NTM: variants seen among roughly 807,000 people sequenced by gnomAD.
NTM encodes the protein neurotrimin, also known as IgLON family member 2.
NTM carries 13 observed loss-of-function variants against 42.1 expected under a neutral mutation model. The ratio of observed to expected loss-of-function variants is 0.31; its 90% CI spans 0.20 to 0.49. The LOEUF is 0.49. Ranked by LOEUF, NTM falls within the 20% of genes least tolerant of loss-of-function variation. NTM has a pLI of 0.99. For synonymous variants in NTM, 187 were observed against 179.2 expected (o/e 1.04, Z -0.35); for missense variants, 373 against 452.8 (o/e 0.82, Z 1.60).
chr11:132,029,202 TTTTA>T (rs2075602934), intron 2 of NTM, among the ~76,000 whole-genome samples: 2 of 152,110 alleles, frequency 1.3e-5, no homozygotes, highest in South Asian at 4.2e-4. Context: ...TTTTTTTTAT[TTTTA>T]TTCTTTAAGT....
intron 1 of NTM, among the ~76,000 whole-genome samples, chr11:131,714,479 C>T (rs1431568277): frequency 6.6e-6 from 1 of 152,176 alleles, no homozygotes; most frequent in Non-Finnish European, 1.5e-5. Flanking sequence ...ATGTGAGCCA[C>T]CACAACCAGC....
intron 2 of NTM, among the ~76,000 whole-genome samples, chr11:131,958,617 A>T (rs994163743): frequency 6.6e-6 from 1 of 152,200 alleles, no homozygotes; most frequent in African/African-American, 2.4e-5. Context: ...GAAACAAAAG[A>T]GCCTTGAAGA....
intron 1 of NTM, among the ~76,000 whole-genome samples, chr11:131,375,485 C>CT (rs1168435399): frequency 6.6e-6 from 1 of 152,174 alleles, no homozygotes; most frequent in African/African-American, 2.4e-5. Flanking sequence ...CCTAGTGTTC[C>CT]TAGAAGCATC....
chr11:131,801,857 GC>G (rs1403770156), intron 1 of NTM, among the ~76,000 whole-genome samples: 3 of 151,976 alleles, frequency 2.0e-5, no homozygotes, highest in African/African-American at 7.3e-5. Context: ...TGTGAGCTGG[GC>G]CCATCTTTCC....
intron 1 of NTM, among the ~76,000 whole-genome samples, chr11:131,399,827 G>T (rs1944936304): frequency 6.6e-6 from 1 of 152,122 alleles, no homozygotes; most frequent in Non-Finnish European, 1.5e-5. Flanking sequence ...TCTTCCTCCA[G>T]CATAGAAATT....
intron 2 of NTM, among the ~76,000 whole-genome samples, chr11:131,919,922 G>A (rs756472280): frequency 2.6e-5 from 4 of 152,036 alleles, no homozygotes; most frequent in African/African-American, 4.8e-5. Context: ...GAGTTTTTTT[G>A]TGGTGCCTCT....
chr11:131,603,693 C>T (rs1316429230), intron 1 of NTM, among the ~76,000 whole-genome samples: 1 of 152,264 alleles, frequency 6.6e-6, no homozygotes, highest in East Asian at 1.9e-4. Context: ...TGACATTGTC[C>T]CGTACACTCA....
chr11:131,495,451 C>A (rs969500655), intron 1 of NTM, among the ~76,000 whole-genome samples: 4 of 152,248 alleles, frequency 2.6e-5, no homozygotes, highest in Admixed American at 6.5e-5. Flanking sequence ...TCTGCACTGC[C>A]TGTGCTGCGG....
intron 1 of NTM, among the ~76,000 whole-genome samples, chr11:131,592,659 C>CACAA (rs1483857101): frequency 1.3e-5 from 2 of 149,062 alleles, no homozygotes; most frequent in East Asian, 3.9e-4. Context: ...CACACACACA[C>CACAA]ACACACACAC....
At chr11:131,773,409 G>T (rs567316342) in intron 1 of NTM, among the ~76,000 whole-genome samples, 3 of 152,202 alleles carry the variant, frequency 2.0e-5, no homozygotes, top group Admixed American at 6.5e-5. Flanking sequence ...TAGCACTAGG[G>T]TGCCTATACT....
At chr11:131,618,491 CG>C (rs2062180600) in intron 1 of NTM, among the ~76,000 whole-genome samples, 1 of 152,062 alleles carries the variant, frequency 6.6e-6, no homozygotes, top group Non-Finnish European at 1.5e-5. Context: ...ACATGCTATC[CG>C]AATTAAATTA....
intron 1 of NTM, among the ~76,000 whole-genome samples, chr11:131,558,270 ACT>A (rs1248285238): frequency 5.3e-5 from 8 of 151,994 alleles, no homozygotes; most frequent in Admixed American, 3.9e-4. Context: ...CAGCCTGGAC[ACT>A]CTGCACAGCC....
chr11:131,988,542 T>C (rs754898286), intron 2 of NTM, among the ~76,000 whole-genome samples: 31 of 152,230 alleles, frequency 2.0e-4, no homozygotes, highest in Non-Finnish European at 7.3e-5. Context: ...GGATATTCCA[T>C]GTGAATGATG....
At chr11:131,412,821 T>C (rs1230317364) in intron 1 of NTM, among the ~76,000 whole-genome samples, 1 of 152,222 alleles carries the variant, frequency 6.6e-6, no homozygotes, top group Non-Finnish European at 1.5e-5. Flanking sequence ...TGTGTGTGTA[T>C]GTTTCTTAAT....
At chr11:131,445,940 T>C (rs764848842) in intron 1 of NTM, among the ~76,000 whole-genome samples, 1 of 152,190 alleles carries the variant, frequency 6.6e-6, no homozygotes, top group African/African-American at 2.4e-5. Context: ...TCTGAGTAAT[T>C]GTGACAAAGA....
intron 3 of NTM, among the ~76,000 whole-genome samples, chr11:132,182,415 C>T (rs1256654158): frequency 6.6e-6 from 1 of 152,080 alleles, no homozygotes; most frequent in Non-Finnish European, 1.5e-5. Flanking sequence ...ATTGTGCAAC[C>T]CTGGGCATAT....
Position 132,301,290 on chromosome 11 carries a change from TG to T in NTM, c.527-6394del, listed in dbSNP as rs1026375378. 3.0e-4 allele frequency among the ~76,000 whole-genome samples: 45 copies of T among 152,174 alleles called. 1 individual carries two copies. The highest frequency in any genetic ancestry group is 8.8e-5 in the Non-Finnish European group (6 of 67,996). ...CTAACTCACTATCATGAGAACGGGA[TG>T]GGGGAAACCACTCCCATGATTCAAT... On this transcript the variant is annotated intron_variant, in intron 4 of 8. Coordinates refer to ENST00000683400, the MANE Select transcript of NTM (RefSeq NM_001352005.2).
At chr11:131,610,691 C>A (rs1030445747) in intron 1 of NTM, among the ~76,000 whole-genome samples, 1 of 152,048 alleles carries the variant, frequency 6.6e-6, no homozygotes, top group African/African-American at 2.4e-5. Context: ...ACCCGCAGAT[C>A]GATAGCATCT....
intron 2 of NTM, among the ~76,000 whole-genome samples, chr11:132,089,321 C>T (rs2060115944): frequency 6.6e-6 from 1 of 152,124 alleles, no homozygotes; most frequent in Non-Finnish European, 1.5e-5. Flanking sequence ...ACTGGCAAAG[C>T]CTTGTTTCAA....
Sources: gnomAD v4.1 joint callset for allele counts (sites outside exome capture counted in the v4.1 genomes callset) on GRCh38, gnomAD v4.1.1 for gene constraint, MANE v1.5 for transcripts, NCBI Gene and HGNC (gene_info 2026-07-23, HGNC 2026-07-21) for gene names.